The following GPX4 variants were observed in gnomAD, a reference collection of about 807,000 sequenced individuals.
GPX4 encodes the protein phospholipid hydroperoxide glutathione peroxidase GPX4.
Under a neutral mutation model 27.8 loss-of-function variants are expected in GPX4, and 28 were observed. That is an observed-to-expected ratio of 1.01 (90% CI 0.75 to 1.38). GPX4 has a LOEUF of 1.38. GPX4 is among the 40% of genes most tolerant of loss of function. The pLI is 0.00. For synonymous variants in GPX4, 163 were observed against 107.8 expected (o/e 1.51, Z -3.17); for missense variants, 357 against 274.1 (o/e 1.30, Z -2.14).
chr19:1,104,914 C>T, intron 1 of GPX4: 1 of 1,426,722 alleles, frequency 7.0e-7, no homozygotes, highest in South Asian at 1.5e-5. Context: ...ACGAATGTCC[C>T]AAGTCCCAGG....
intron 1 of GPX4, chr19:1,104,615 C>G (rs901617277): frequency 2.0e-6 from 2 of 986,318 alleles, no homozygotes; most frequent in African/African-American, 3.5e-5. Context: ...CCCGCCCCCG[C>G]ACCTTGGCCT....
Position 1,104,088 on chromosome 19 carries a change from CTG to C in GPX4, c.48_49del (p.Cys16TrpfsTer39). 8 of 1,513,058 alleles carry C rather than the reference CTG, an allele frequency of 5.3e-6. No individual in the cohort carries two copies. Among genetic ancestry groups the C allele is most frequent in the Middle Eastern group, 2.3e-4 (1 of 4,314 alleles). The allele number at this position is 1,513,058 out of a possible 1,614,324, so 93.7% of individuals were successfully genotyped here. ...LCRLLKPALL[C>X]GALAAPGLAG... is the part of the protein sequence containing the mutation. ...GCCGCCTACTGAAGCCGGCGCTGCT[CTG>C]TGGGGCTCTGGCCGCGCCTGGCCTG... On this transcript the variant is annotated frameshift_variant, in exon 1 of 7. Coordinates refer to ENST00000354171, the MANE Select transcript of GPX4 (RefSeq NM_002085.5). LOFTEE classifies it high-confidence loss of function.
Position 1,105,411 on chromosome 19 carries a change from G to C in GPX4, c.225G>C (p.Lys75Asn), listed in dbSNP as rs200071465. The C allele has an allele frequency of 2.5e-6, 4 of 1,611,926 alleles. No homozygotes were observed. The highest frequency in any genetic ancestry group is 2.2e-5 in the East Asian group (1 of 44,854). The stretch of plus-strand genomic sequence containing the variant: ...CCAACGTGGCCTCCCAGTGAGGCAA[G>C]ACCGAAGTAAACTACACTCAGCTCG... Reference protein sequence around the residue: ...IVTNVASQUGKTEVNYTQLVD... With the variant: ...IVTNVASQUGNTEVNYTQLVD... The change falls in exon 3 of 7, where the codon AAG (lysine) becomes AAC (asparagine). Residue 75 changes from lysine to asparagine, a missense_variant. Lys to Asn is a moderately conservative substitution (Grantham distance 94). Coordinates refer to ENST00000354171, the MANE Select transcript of GPX4 (RefSeq NM_002085.5).
Position 1,105,769 on chromosome 19 carries a change from T to C in GPX4, c.436T>C (p.Trp146Arg). ...GGACGACGCCCACCCGCTGTGGAAG[T>C]GGATGAAGATCCAACCCAAGGGCAA... Reference protein sequence around the residue: ...NGDDAHPLWKWMKIQPKGKGI... With the variant: ...NGDDAHPLWKRMKIQPKGKGI... Residue 146 changes from tryptophan (W) to arginine (R), a missense_variant, in exon 4 of 7, where the codon TGG (tryptophan) becomes CGG (arginine). Coordinates refer to ENST00000354171, the MANE Select transcript of GPX4 (RefSeq NM_002085.5). 1 of 1,573,492 alleles carries C rather than the reference T, an allele frequency of 6.4e-7. No individual in the cohort carries two copies. Among genetic ancestry groups the C allele is most frequent in the Non-Finnish European group, 8.6e-7 (1 of 1,163,418 alleles).
chr19:1,105,448 G>T lies in GPX4; in HGVS notation c.262G>T (p.Ala88Ser). The change falls in exon 3 of 7, where the codon GCC becomes TCC. Residue 88 changes from alanine to serine, a missense_variant. Ala to Ser is a moderately conservative substitution (Grantham distance 99). Coordinates refer to ENST00000354171, the MANE Select transcript of GPX4 (RefSeq NM_002085.5). ...VNYTQLVDLH[A>S]RYAECGLRIL... ...CTACACTCAGCTCGTCGACCTGCAC[G>T]CCCGATACGCTGAGTGTGGTTTGCG... The T allele has an allele frequency of 6.2e-7, 1 of 1,612,676 alleles. No individual in the cohort carries two copies. The highest frequency in any genetic ancestry group is 8.5e-7 in the Non-Finnish European group (1 of 1,179,798).
rs1210362697 is a variant in GPX4, at chr19:1,105,083, C to T, written c.85-103C>T. The T allele has an allele frequency of 4.0e-6, 6 of 1,494,824 alleles. No individual in the cohort carries two copies. In the African/African-American group the frequency reaches 5.5e-5, roughly 14 times the overall value. The allele number at this position is 1,494,824 out of a possible 1,614,324, so 92.6% of individuals were successfully genotyped here. A position where few individuals can be genotyped will look rare whatever the true frequency, so the allele number is the denominator to read the frequency against. On this transcript the variant is annotated intron_variant, in intron 1 of 6. Coordinates refer to ENST00000354171, the MANE Select transcript of GPX4 (RefSeq NM_002085.5). ...GTTCAGGTCTTCAGGGCCGCAGGGC[C>T]TCGGTGTCCCCGCCACCGACCCGCT...
At position 1,105,691 on chromosome 19, in the gene GPX4, G is replaced by A. The variant is rs76201145; in HGVS notation, c.358G>A (p.Ala120Thr). The change falls in exon 4 of 7, where the codon GCC becomes ACC. Residue 120 changes from alanine (A) to threonine (T), a missense_variant. Coordinates refer to ENST00000354171, the MANE Select transcript of GPX4 (RefSeq NM_002085.5). ...PGSNEEIKEF[A>T]AGYNVKFDMF... ...GAGTAACGAAGAGATCAAAGAGTTC[G>A]CCGCGGGCTACAACGTCAAATTCGA... 1.3e-3 allele frequency: 2,029 copies of A among 1,612,728 alleles called. No homozygotes were observed. Among genetic ancestry groups the A allele is most frequent in the Non-Finnish European group, 1.6e-3 (1,890 of 1,179,554 alleles).
At chr19:1,106,102 G>C (rs2079649957) in intron 4 of GPX4, 140 bp from the exon 5 acceptor site, 8 of 779,696 alleles carry the variant, frequency 1.0e-5, no homozygotes, top group South Asian at 8.9e-5. Flanking sequence ...GGGGTAAGAT[G>C]GCTCTGGGGG....
rs778371843 is a variant in GPX4 at position 1,105,388 on chromosome 19, A to G, written c.202A>G (p.Asn68Asp). 3.7e-6 allele frequency: 6 copies of G among 1,610,628 alleles called. No homozygotes were observed. The highest frequency in any genetic ancestry group is 5.1e-6 in the Non-Finnish European group (6 of 1,178,128). The change falls in exon 3 of 7, where the codon AAC (asparagine) becomes GAC (aspartate). Residue 68 changes from asparagine to aspartate, a missense_variant. Asn to Asp is a conservative substitution (Grantham distance 23). Coordinates refer to ENST00000354171, the MANE Select transcript of GPX4 (RefSeq NM_002085.5). Reference protein sequence around the residue: ...KYRGFVCIVTNVASQUGKTEV... With the variant: ...KYRGFVCIVTDVASQUGKTEV... ...CAGGGGCTTCGTGTGCATCGTCACC[A>G]ACGTGGCCTCCCAGTGAGGCAAGAC... is the stretch of plus-strand genomic sequence containing the variant.
chr19:1,105,705 C>T lies in GPX4; in HGVS notation c.372C>T (p.Asn124=), dbSNP rs760584379. Residue 124 remains asparagine, a synonymous_variant, in exon 4 of 7, where the codon AAC becomes AAT. Coordinates refer to ENST00000354171, the MANE Select transcript of GPX4 (RefSeq NM_002085.5). ...TCAAAGAGTTCGCCGCGGGCTACAA[C>T]GTCAAATTCGATATGTTCAGCAAGA... The part of the protein sequence containing the change: ...EEIKEFAAGY[N]VKFDMFSKIC... 4 of 1,611,620 alleles carry T rather than the reference C, an allele frequency of 2.5e-6. No individual in the cohort carries two copies. The highest frequency in any genetic ancestry group is 3.4e-6 in the Non-Finnish European group (4 of 1,179,124).
At chr19:1,106,510 C>T (rs2079659457) in intron 6 of GPX4, 30 bp from the exon 7 acceptor site, 1 of 1,611,008 alleles carries the variant, frequency 6.2e-7, no homozygotes, top group Non-Finnish European at 8.5e-7. Context: ...TGGGAGGTAG[C>T]TGCCCTAACC....
At chr19:1,105,153 C>T in intron 1 of GPX4, 33 bp from the exon 2 acceptor site, 1 of 1,609,696 alleles carries the variant, frequency 6.2e-7, no homozygotes, top group South Asian at 1.1e-5. Context: ...GCCTCCCGTC[C>T]ACGCTCCCTG....
At chr19:1,105,612 A>T in intron 3 of GPX4, 46 bp from the exon 4 acceptor site, 1 of 1,599,580 alleles carries the variant, frequency 6.3e-7, no homozygotes, top group Non-Finnish European at 8.5e-7. Context: ...GCCCGGACTG[A>T]GGGGGTGCCA....
rs368126228 is a variant in GPX4 at position 1,106,577 on chromosome 19, A to G, written c.*5A>G. ...GACCTGCCCCACTATTTCTAGCTCCACAAGTGTGTGGCCCCGCCCGAGCCC... is the reference window on the plus strand; with the variant it reads ...GACCTGCCCCACTATTTCTAGCTCCGCAAGTGTGTGGCCCCGCCCGAGCCC... On this transcript the variant is annotated 3_prime_UTR_variant, in exon 7 of 7. Coordinates refer to ENST00000354171, the MANE Select transcript of GPX4 (RefSeq NM_002085.5). The G allele has an allele frequency of 2.5e-6, 4 of 1,613,256 alleles. No individual in the cohort carries two copies. Among genetic ancestry groups the G allele is most frequent in the African/African-American group, 1.3e-5 (1 of 74,880 alleles).
chr19:1,104,595 C>T (rs2079625575), intron 1 of GPX4: 1 of 978,972 alleles, frequency 1.0e-6, no homozygotes, highest in Non-Finnish European at 1.2e-6. Flanking sequence ...CACGCGCCCC[C>T]GGGCGCCGCC....
In GPX4 at chr19:1,106,586, T is replaced by G. The variant is rs371481974; in HGVS notation, c.*14T>G. On this transcript the variant is annotated 3_prime_UTR_variant, in exon 7 of 7. Coordinates refer to ENST00000354171, the MANE Select transcript of GPX4 (RefSeq NM_002085.5). ...CACTATTTCTAGCTCCACAAGTGTGTGGCCCCGCCCGAGCCCCTGCCCACG... is the reference window on the plus strand; with the variant it reads ...CACTATTTCTAGCTCCACAAGTGTGGGGCCCCGCCCGAGCCCCTGCCCACG... 1 of 1,613,256 alleles carries G rather than the reference T, an allele frequency of 6.2e-7. No homozygotes were observed. The highest frequency in any genetic ancestry group is 1.7e-5 in the Admixed American group (1 of 59,990).
chr19:1,105,609 C>CT (rs780068753), intron 3 of GPX4, 49 bp from the exon 4 acceptor site: 1 of 1,600,140 alleles, frequency 6.2e-7, no homozygotes, highest in Non-Finnish European at 8.5e-7. Flanking sequence ...GGGGCCCGGA[C>CT]TGAGGGGGTG....
In GPX4 at chr19:1,106,652, C is replaced by CA; in HGVS notation, c.*83dup. On this transcript the variant is annotated 3_prime_UTR_variant, in exon 7 of 7. Coordinates refer to ENST00000354171, the MANE Select transcript of GPX4 (RefSeq NM_002085.5). Reference sequence around the variant, plus strand: ...ACCGGCACTCATGACGGCCTGCCTGCAAACCTGCTGGTGGGGCAGACCCGA... The same window carrying CA: ...ACCGGCACTCATGACGGCCTGCCTGCAAAACCTGCTGGTGGGGCAGACCCGA... 6.3e-7 allele frequency: 1 copy of CA among 1,585,152 alleles called. No homozygotes were observed. The highest frequency in any genetic ancestry group is 8.6e-7 in the Non-Finnish European group (1 of 1,163,300).
chr19:1,105,054 G>C, intron 1 of GPX4, 132 bp from the exon 2 acceptor site: 2 of 1,471,802 alleles, frequency 1.4e-6, no homozygotes, highest in South Asian at 2.6e-5. Context: ...TAAGGAGGAG[G>C]AGCGTTCAGG....
Sources: allele counts gnomAD v4.1 joint callset, GRCh38; gene constraint gnomAD v4.1.1; transcripts MANE v1.5; gene names NCBI Gene and HGNC (gene_info 2026-07-23, HGNC 2026-07-21).